GALNT17: variants seen among roughly 807,000 people sequenced by gnomAD.
The protein encoded by GALNT17 is polypeptide N-acetylgalactosaminyltransferase 17.
In GALNT17, 29 loss-of-function variants were observed where a neutral mutation model predicts 63.7. That is an observed-to-expected ratio of 0.46 (90% CI 0.34 to 0.62). The LOEUF (loss-of-function observed/expected upper bound fraction) is 0.62. GALNT17 is among the 20% of genes least tolerant of loss of function. The pLI, the probability that GALNT17 is intolerant of heterozygous loss-of-function variation, is 0.01. For missense variants in GALNT17, 603 were observed against 799.6 expected (o/e 0.75, Z 2.97); for synonymous variants, 305 against 318.3 (o/e 0.96, Z 0.45).
rs534610966 is a variant in GALNT17, at chr7:71,655,365, C to G, written c.1081-10046C>G. ...TACCCAGCAGTAGTTCAGATCTGATCGGGTAGTGTGTCTTCCATGATCTAG... is the reference window on the plus strand; with the variant it reads ...TACCCAGCAGTAGTTCAGATCTGATGGGGTAGTGTGTCTTCCATGATCTAG... On this transcript the variant is annotated intron_variant, in intron 6 of 10. Transcript: ENST00000333538. 1.8e-4 allele frequency among the ~76,000 whole-genome samples: 27 copies of G among 152,270 alleles called. No individual in the cohort carries two copies. The South Asian group carries it at 5.6e-3, about 32-fold the overall frequency.
At chr7:71,217,751 C>T (rs1209445597) in intron 1 of GALNT17, among the ~76,000 whole-genome samples, 2 of 151,826 alleles carry the variant, frequency 1.3e-5, no homozygotes, top group Admixed American at 1.3e-4. Context: ...CGGTGAAACC[C>T]TGTCTCCACT....
At chr7:71,450,043 CAA>C (rs35144500) in intron 5 of GALNT17, among the ~76,000 whole-genome samples, 387 of 139,988 alleles carry the variant, frequency 2.8e-3, no homozygotes, top group Middle Eastern at 3.6e-3. Context: ...AACTCCCTCT[CAA>C]AAAAAAAAAA....
chr7:71,257,890 T>A (rs1401595558), intron 1 of GALNT17, among the ~76,000 whole-genome samples: 1 of 152,246 alleles, frequency 6.6e-6, no homozygotes, highest in African/African-American at 2.4e-5. Flanking sequence ...TACCACAGCC[T>A]CCTGGGCATT....
chr7:71,623,074 T>C (rs537640780), intron 6 of GALNT17, among the ~76,000 whole-genome samples: 5 of 152,316 alleles, frequency 3.3e-5, no homozygotes, highest in African/African-American at 1.2e-4. Context: ...GGTCTGAACC[T>C]TATCCCCGCT....
chr7:71,372,208 A>G (rs1792636861), intron 2 of GALNT17, among the ~76,000 whole-genome samples: 2 of 152,072 alleles, frequency 1.3e-5, no homozygotes, highest in Admixed American at 1.3e-4. Context: ...GCCCAGGCCC[A>G]GGCCCGAGTG....
At chr7:71,394,308 A>G (rs1291299210) in intron 3 of GALNT17, among the ~76,000 whole-genome samples, 1 of 152,136 alleles carries the variant, frequency 6.6e-6, no homozygotes, top group East Asian at 1.9e-4. Flanking sequence ...GAATTCCATA[A>G]GAATGGCACC....
chr7:71,524,700 A>G (rs1788595708), intron 5 of GALNT17, among the ~76,000 whole-genome samples: 1 of 152,206 alleles, frequency 6.6e-6, no homozygotes, highest in Non-Finnish European at 1.5e-5. Flanking sequence ...TCTGATTTTT[A>G]TAGGTGTAGC....
intron 9 of GALNT17, among the ~76,000 whole-genome samples, chr7:71,707,557 T>C (rs978366086): frequency 6.6e-6 from 1 of 152,212 alleles, no homozygotes; most frequent in African/African-American, 2.4e-5. Context: ...CATTTTTTAT[T>C]GCTCACGAGT....
At chr7:71,316,734 G>A (rs1351506527) in intron 1 of GALNT17, among the ~76,000 whole-genome samples, 1 of 152,128 alleles carries the variant, frequency 6.6e-6, no homozygotes, top group Non-Finnish European at 1.5e-5. Flanking sequence ...ACCTGGGAGA[G>A]TGACCCTGAT....
intron 6 of GALNT17, among the ~76,000 whole-genome samples, chr7:71,603,098 G>T (rs1584083119): frequency 6.6e-6 from 1 of 150,662 alleles, no homozygotes; most frequent in Admixed American, 6.6e-5. Flanking sequence ...ACTATGCTAA[G>T]TGCATATACC....
At chr7:71,711,921 TTCTC>T (rs1791799907) in intron 10 of GALNT17, 93 bp from the exon 11 acceptor site, 5 of 1,357,840 alleles carry the variant, frequency 3.7e-6, no homozygotes, top group Non-Finnish European at 5.1e-6. Flanking sequence ...CTTTGTCATT[TTCTC>T]TCTCCTGTCT....
intron 5 of GALNT17, among the ~76,000 whole-genome samples, chr7:71,454,255 G>A (rs1787316396): frequency 6.6e-6 from 1 of 152,148 alleles, no homozygotes; most frequent in South Asian, 2.1e-4. Flanking sequence ...CCCAGTGTGT[G>A]TTGTTCCTCT....
intron 6 of GALNT17, among the ~76,000 whole-genome samples, chr7:71,657,161 G>A (rs1790840951): frequency 6.6e-6 from 1 of 152,164 alleles, no homozygotes; most frequent in Non-Finnish European, 1.5e-5. Context: ...GAGAACAGCT[G>A]CCTCACTGTT....
chr7:71,639,174 G>A (rs1352751284), intron 6 of GALNT17, among the ~76,000 whole-genome samples: 2 of 152,070 alleles, frequency 1.3e-5, no homozygotes, highest in African/African-American at 2.4e-5. Flanking sequence ...TGCGTTACAT[G>A]CCTGTGTCAA....
At chr7:71,533,590 A>G (rs1788754467) in intron 5 of GALNT17, among the ~76,000 whole-genome samples, 1 of 152,146 alleles carries the variant, frequency 6.6e-6, no homozygotes, top group African/African-American at 2.4e-5. Flanking sequence ...AGCTTCCTTC[A>G]TGGAATAAGG....
At chr7:71,404,552 C>T (rs1465810866) in intron 3 of GALNT17, among the ~76,000 whole-genome samples, 1 of 152,188 alleles carries the variant, frequency 6.6e-6, no homozygotes, top group Non-Finnish European at 1.5e-5. Flanking sequence ...ATAAAATATG[C>T]AATGCAGCCA....
chr7:71,556,568 A>AT (rs1349752155), intron 5 of GALNT17, among the ~76,000 whole-genome samples: 1 of 151,490 alleles, frequency 6.6e-6, no homozygotes, highest in East Asian at 1.9e-4. Flanking sequence ...TTATTTTTTT[A>AT]TTTTTTGAGA....
chr7:71,197,053 G>A (rs1443478575), intron 1 of GALNT17, among the ~76,000 whole-genome samples: 1 of 152,050 alleles, frequency 6.6e-6, no homozygotes, highest in African/African-American at 2.4e-5. Context: ...CATGCAGTGT[G>A]TAACAATCAC....
At chr7:71,445,088 G>A (rs150276087) in intron 5 of GALNT17, among the ~76,000 whole-genome samples, 1 of 152,046 alleles carries the variant, frequency 6.6e-6, no homozygotes, top group Non-Finnish European at 1.5e-5. Context: ...GTGCAGATGC[G>A]GAGAGCCATC....
Sources: allele counts gnomAD v4.1 joint callset (sites outside exome capture counted in the v4.1 genomes callset), GRCh38; gene constraint gnomAD v4.1.1; transcripts MANE v1.5; gene names NCBI Gene and HGNC (gene_info 2026-07-23, HGNC 2026-07-21).